The following GABRR3 variants were observed in gnomAD, a reference collection of about 807,000 sequenced individuals.
The protein encoded by GABRR3 is gamma-aminobutyric acid type A receptor subunit rho3.
GABRR3 carries 29 observed loss-of-function variants against 43.2 expected under a neutral mutation model. The ratio of observed to expected loss-of-function variants is 0.67; its 90% CI spans 0.50 to 0.92. GABRR3 has a LOEUF of 0.92. Ranked by LOEUF, GABRR3 falls within the 40% of genes least tolerant of loss-of-function variation. The probability of loss-of-function intolerance (pLI) is 0.00; values close to 1 mark genes in which losing one functional copy is unlikely to be tolerated. For synonymous variants in GABRR3, 206 were observed against 195.9 expected (o/e 1.05, Z -0.43); for missense variants, 576 against 572.3 (o/e 1.01, Z -0.07).
At chr3:98,012,917 T>C (rs578081772) in intron 4 of GABRR3, among the ~76,000 whole-genome samples, 1 of 152,340 alleles carries the variant, frequency 6.6e-6, no homozygotes, top group Admixed American at 6.5e-5. Flanking sequence ...TATTTTATTG[T>C]CCATTATTTT....
At chr3:98,015,433 T>G (rs1362815172) in intron 4 of GABRR3, among the ~76,000 whole-genome samples, 1 of 152,208 alleles carries the variant, frequency 6.6e-6, no homozygotes, top group Non-Finnish European at 1.5e-5. Context: ...TGACCTCAAA[T>G]GATCTGGCCA....
chr3:97,994,927 A>G (rs551753737), intron 8 of GABRR3, among the ~76,000 whole-genome samples: 1 of 152,326 alleles, frequency 6.6e-6, no homozygotes, highest in East Asian at 1.9e-4. Flanking sequence ...ACTGGCAGGA[A>G]GTGAAGGAAT....
chr3:98,003,749 T>C (rs1282854748), intron 7 of GABRR3, among the ~76,000 whole-genome samples: 2 of 152,100 alleles, frequency 1.3e-5, no homozygotes, highest in Non-Finnish European at 2.9e-5. Flanking sequence ...ATGCATCTTG[T>C]CCTACGACAG....
At chr3:98,018,546 A>T (rs1014594135) in intron 3 of GABRR3, among the ~76,000 whole-genome samples, 1 of 152,184 alleles carries the variant, frequency 6.6e-6, no homozygotes, top group Non-Finnish European at 1.5e-5. Flanking sequence ...AGTTACACCT[A>T]ACAAACGATT....
chr3:97,989,501 G>A (rs73140844), intron 9 of GABRR3, among the ~76,000 whole-genome samples: 17,883 of 151,412 alleles, frequency 0.12, 1,195 homozygotes, highest in African/African-American at 0.17. Flanking sequence ...GCTGGGTGGT[G>A]GATGATGGTG....
chr3:98,006,650 C>G (rs1009165408), intron 7 of GABRR3, among the ~76,000 whole-genome samples: 2 of 152,184 alleles, frequency 1.3e-5, no homozygotes, highest in African/African-American at 2.4e-5. Context: ...AACTCAGGGA[C>G]AGCTGTTGGC....
chr3:97,990,516 T>C (rs1225979817), intron 9 of GABRR3, among the ~76,000 whole-genome samples: 1 of 152,010 alleles, frequency 6.6e-6, no homozygotes, highest in South Asian at 2.1e-4. Context: ...CCCGGCTAAT[T>C]TTTGTATTTT....
intron 3 of GABRR3, among the ~76,000 whole-genome samples, chr3:98,025,047 A>G (rs1706993992): frequency 6.6e-6 from 1 of 152,172 alleles, no homozygotes; most frequent in Non-Finnish European, 1.5e-5. Context: ...GACAGTGCCT[A>G]TTTCATAGGA....
At chr3:98,021,331 T>C (rs1250338246) in intron 3 of GABRR3, among the ~76,000 whole-genome samples, 1 of 152,112 alleles carries the variant, frequency 6.6e-6, no homozygotes, top group African/African-American at 2.4e-5. Flanking sequence ...CCAAAGATCG[T>C]TCTTTTTACA....
intron 7 of GABRR3, 44 bp downstream of exon 7, chr3:98,007,720 A>C: frequency 1.9e-6 from 3 of 1,607,646 alleles, no homozygotes; most frequent in Non-Finnish European, 2.6e-6. Context: ...CAAACAGTAG[A>C]TGTCCAATAA....
At chr3:97,998,810 A>T (rs1706594625) in intron 8 of GABRR3, 1 of 152,162 alleles carries the variant, frequency 6.6e-6, no homozygotes, top group African/African-American at 2.4e-5. Context: ...TTTGTTTTAG[A>T]AAAAATAATT....
Position 98,005,744 on chromosome 3 carries a change from C to T in GABRR3, c.754+2020G>A, listed in dbSNP as rs141510838. 1.1e-3 allele frequency among the ~76,000 whole-genome samples: 169 copies of T among 152,082 alleles called. 1 individual carries two copies. The highest frequency in any genetic ancestry group is 7.7e-3 in the East Asian group (40 of 5,170). ...GAAATTTAACTTCCTGTTAGGAGGA[C>T]GGTTGGATATATGTTAATGGATAGT... On this transcript the variant is annotated intron_variant, in intron 7 of 9. Coordinates refer to ENST00000621172, the Ensembl canonical transcript of GABRR3.
chr3:98,023,789 T>A (rs1706980115), intron 3 of GABRR3, among the ~76,000 whole-genome samples: 1 of 152,222 alleles, frequency 6.6e-6, no homozygotes. Context: ...AAAATTAAAC[T>A]CACCATGATT....
intron 7 of GABRR3, among the ~76,000 whole-genome samples, chr3:98,004,374 G>A (rs749870952): frequency 6.6e-6 from 1 of 152,114 alleles, no homozygotes; most frequent in Non-Finnish European, 1.5e-5. Context: ...AAAGTTAAGG[G>A]TTAGAGAGAT....
rs367645666 is a variant in GABRR3 at position 98,012,378 on chromosome 3, C to T, written c.496G>A (p.Val166Ile). 37 of 1,613,898 alleles carry T rather than the reference C, an allele frequency of 2.3e-5. No individual in the cohort carries two copies. Among genetic ancestry groups the T allele is most frequent in the Admixed American group, 2.0e-4 (12 of 60,016 alleles). The change falls in exon 5 of 10, where the codon GTA becomes ATA. Residue 166 changes from valine to isoleucine, a missense_variant. Physicochemically the swap from Val to Ile is conservative, Grantham distance 29. Coordinates refer to ENST00000621172, the Ensembl canonical transcript of GABRR3. ...AGGAGGACGTTTCCATCAGGGTGTACGCGCAGCATGATATTCTCCATAGTT... is the reference window on the plus strand; with the variant it reads ...AGGAGGACGTTTCCATCAGGGTGTATGCGCAGCATGATATTCTCCATAGTT...
At chr3:98,002,722 A>AT (rs34246628) in intron 7 of GABRR3, among the ~76,000 whole-genome samples, 2 of 152,012 alleles carry the variant, frequency 1.3e-5, no homozygotes, top group African/African-American at 2.4e-5. Flanking sequence ...AAGTAGCAAG[A>AT]TTTTTTTTCT....
At chr3:98,012,349 A>G (rs773715805) in exon 5 of GABRR3, 2 of 1,613,184 alleles carry the variant, frequency 1.2e-6, no homozygotes, top group South Asian at 1.1e-5. Context: ...CTTACCTGAG[A>G]CTTAGGAGGA....
intron 9 of GABRR3, among the ~76,000 whole-genome samples, chr3:97,990,779 C>T (rs927360227): frequency 2.7e-5 from 4 of 150,474 alleles, no homozygotes; most frequent in African/African-American, 7.3e-5. Context: ...GTTTCCAGGG[C>T]CTGGGGGGAG....
intron 3 of GABRR3, among the ~76,000 whole-genome samples, chr3:98,022,712 C>G (rs2107247032): frequency 6.6e-6 from 1 of 152,234 alleles, no homozygotes; most frequent in African/African-American, 2.4e-5. Flanking sequence ...TCACACAAGC[C>G]ATTTGGACAC....
Sources: gnomAD v4.1 joint callset for allele counts (sites outside exome capture counted in the v4.1 genomes callset) on GRCh38, gnomAD v4.1.1 for gene constraint, MANE v1.5 for transcripts, NCBI Gene and HGNC (gene_info 2026-07-23, HGNC 2026-07-21) for gene names.